CNTNAP2: variants seen among roughly 807,000 people sequenced by gnomAD.
CNTNAP2 encodes the protein contactin-associated protein-like 2.
In CNTNAP2, 98 loss-of-function variants were observed where a neutral mutation model predicts 155.2. That is an observed-to-expected ratio of 0.63 (90% confidence interval 0.54 to 0.75). The LOEUF (loss-of-function observed/expected upper bound fraction) is 0.75. CNTNAP2 is among the 30% of genes least tolerant of loss of function. The pLI is 0.00. For synonymous variants in CNTNAP2, 651 were observed against 631.2 expected (o/e 1.03, Z -0.47); for missense variants, 1,727 against 1,688.1 (o/e 1.02, Z -0.40).
At chr7:147,061,583 TG>T (rs1309933311) in intron 4 of CNTNAP2, among the ~76,000 whole-genome samples, 1 of 152,218 alleles carries the variant, frequency 6.6e-6, no homozygotes, top group Non-Finnish European at 1.5e-5. Flanking sequence ...TACACTCATG[TG>T]TTCCCAGAGA....
chr7:148,319,788 A>C (rs1797758028), intron 21 of CNTNAP2, among the ~76,000 whole-genome samples: 1 of 151,858 alleles, frequency 6.6e-6, no homozygotes, highest in East Asian at 1.9e-4. Flanking sequence ...TAGTTGCAGG[A>C]TAACAAGCTC....
At chr7:147,750,929 A>G (rs1797124178) in intron 13 of CNTNAP2, among the ~76,000 whole-genome samples, 1 of 152,078 alleles carries the variant, frequency 6.6e-6, no homozygotes. Context: ...AGTCCCAGCT[A>G]CTCAGGAGGC....
intron 13 of CNTNAP2, among the ~76,000 whole-genome samples, chr7:147,726,807 T>C (rs1796651750): frequency 6.6e-6 from 1 of 152,070 alleles, no homozygotes; most frequent in South Asian, 2.1e-4. Context: ...ACAGTTTTTA[T>C]ATTTTATTTT....
intron 2 of CNTNAP2, among the ~76,000 whole-genome samples, chr7:146,802,913 A>T (rs1192198415): frequency 1.3e-5 from 2 of 152,200 alleles, no homozygotes; most frequent in Non-Finnish European, 2.9e-5. Flanking sequence ...GAAGTAAGAG[A>T]TATACTCTGA....
At chr7:147,606,014 CG>C (rs1185717993) in intron 12 of CNTNAP2, among the ~76,000 whole-genome samples, 1 of 151,956 alleles carries the variant, frequency 6.6e-6, no homozygotes, top group African/African-American at 2.4e-5. Context: ...AGTCTAACAA[CG>C]GTTCAGGTAA....
chr7:147,270,120 A>C (rs1804708894), intron 8 of CNTNAP2, among the ~76,000 whole-genome samples: 1 of 152,180 alleles, frequency 6.6e-6, no homozygotes, highest in Non-Finnish European at 1.5e-5. Flanking sequence ...ATGGTGACTC[A>C]AACCTAAGGT....
intron 3 of CNTNAP2, among the ~76,000 whole-genome samples, chr7:146,859,865 G>T (rs1372041403): frequency 1.3e-5 from 2 of 152,088 alleles, no homozygotes; most frequent in Non-Finnish European, 2.9e-5. Flanking sequence ...AAAAGGAAAT[G>T]TCTAAATTCA....
intron 1 of CNTNAP2, among the ~76,000 whole-genome samples, chr7:146,712,683 GATAAA>G (rs974655298): frequency 2.7e-5 from 4 of 150,630 alleles, no homozygotes; most frequent in African/African-American, 7.3e-5. Flanking sequence ...TTTAGTTTAA[GATAAA>G]ATAAATAGTC....
chr7:147,053,493 G>A (rs1304561802), intron 4 of CNTNAP2, among the ~76,000 whole-genome samples: 1 of 152,050 alleles, frequency 6.6e-6, no homozygotes, highest in Non-Finnish European at 1.5e-5. Flanking sequence ...ATATGTCACT[G>A]ATATAGAGCT....
intron 8 of CNTNAP2, among the ~76,000 whole-genome samples, chr7:147,205,402 TA>T (rs1803003716): frequency 6.6e-6 from 1 of 152,154 alleles, no homozygotes; most frequent in African/African-American, 2.4e-5. Context: ...TGAAGAATGT[TA>T]TTGGTACTTT....
At chr7:148,385,747 T>TTGTTTGTTTGTTTGTTTG (rs1283946486) in intron 22 of CNTNAP2, among the ~76,000 whole-genome samples, 7 of 103,668 alleles carry the variant, frequency 6.8e-5, no homozygotes, top group African/African-American at 2.6e-4. Context: ...TTTTTTTTTT[T>TTGTTTGTTTGTTTGTTTG]TTTTTTTTTT....
intron 13 of CNTNAP2, among the ~76,000 whole-genome samples, chr7:147,878,353 C>T (rs1243380399): frequency 6.6e-6 from 1 of 151,996 alleles, no homozygotes; most frequent in Non-Finnish European, 1.5e-5. Flanking sequence ...TCTCTAGCTT[C>T]TAATACAGTA....
chr7:147,917,583 C>T (rs1471353963), intron 14 of CNTNAP2, among the ~76,000 whole-genome samples: 2 of 152,172 alleles, frequency 1.3e-5, no homozygotes, highest in African/African-American at 2.4e-5. Flanking sequence ...CTTCCATTTA[C>T]GTATCATTGG....
Position 148,127,126 on chromosome 7 carries a change from G to A in CNTNAP2, c.2554+8838G>A, listed in dbSNP as rs184661256. 5.9e-3 allele frequency among the ~76,000 whole-genome samples: 894 copies of A among 152,214 alleles called. 9 individuals carry two copies. The highest frequency in any genetic ancestry group is 9.2e-3 in the Non-Finnish European group (625 of 68,014). On this transcript the variant is annotated intron_variant, in intron 16 of 23. Transcript: ENST00000361727. ...TCGAGACCAGCATAGCCAACATGGC[G>A]AAACCCCATTTCTACTAAAAATACA...
intron 4 of CNTNAP2, among the ~76,000 whole-genome samples, chr7:147,057,260 G>A (rs1248144242): frequency 1.3e-5 from 2 of 152,114 alleles, no homozygotes; most frequent in Non-Finnish European, 2.9e-5. Flanking sequence ...GCCTGGACTT[G>A]CCCACAAACA....
At chr7:148,175,101 G>A (rs938231924) in intron 18 of CNTNAP2, among the ~76,000 whole-genome samples, 2 of 152,146 alleles carry the variant, frequency 1.3e-5, no homozygotes, top group African/African-American at 4.8e-5. Flanking sequence ...TCTTTTTACA[G>A]CTGCATAGTA....
intron 9 of CNTNAP2, among the ~76,000 whole-genome samples, chr7:147,380,799 A>T (rs1796522295): frequency 6.6e-6 from 1 of 152,118 alleles, no homozygotes; most frequent in Non-Finnish European, 1.5e-5. Context: ...ACTAGTTGGG[A>T]TTGTCCCTAT....
intron 17 of CNTNAP2, among the ~76,000 whole-genome samples, chr7:148,167,388 C>A (rs1805688526): frequency 6.6e-6 from 1 of 152,168 alleles, no homozygotes; most frequent in Non-Finnish European, 1.5e-5. Flanking sequence ...ATCTGCCCGC[C>A]TTGGCCTCCC....
chr7:147,462,727 TA>T, intron 10 of CNTNAP2, among the ~76,000 whole-genome samples: 1 of 152,326 alleles, frequency 6.6e-6, no homozygotes, highest in Non-Finnish European at 1.5e-5. Flanking sequence ...CTTAGTTGAG[TA>T]TTCACATAAA....
Sources: gnomAD v4.1 joint callset for allele counts (sites outside exome capture counted in the v4.1 genomes callset) on GRCh38, gnomAD v4.1.1 for gene constraint, MANE v1.5 for transcripts, NCBI Gene and HGNC (gene_info 2026-07-23, HGNC 2026-07-21) for gene names.